Variants in PTPRB observed in about 807,000 individuals in gnomAD.
The protein encoded by PTPRB is protein tyrosine phosphatase receptor type B.
In PTPRB, 97 loss-of-function variants were observed where a neutral mutation model predicts 238.1. That is an observed-to-expected ratio of 0.41 (90% CI 0.35 to 0.48). The LOEUF (loss-of-function observed/expected upper bound fraction) is 0.48, where lower values mean the gene tolerates loss of function less well. Among genes scored for constraint, PTPRB ranks in the 20% least tolerant of loss-of-function variants. The pLI is 0.30. For synonymous variants in PTPRB, 970 were observed against 995.4 expected (o/e 0.97, Z 0.48); for missense variants, 2,292 against 2,681.9 (o/e 0.85, Z 3.21).
chr12:70,546,793 G>A (rs1876033601), intron 21 of PTPRB, among the ~76,000 whole-genome samples: 1 of 149,614 alleles, frequency 6.7e-6, no homozygotes, highest in African/African-American at 2.5e-5. Flanking sequence ...GAGGCTGGAG[G>A]AGAAGCAGTC....
chr12:70,563,656 C>T (rs1222420894), intron 15 of PTPRB, among the ~76,000 whole-genome samples: 3 of 152,166 alleles, frequency 2.0e-5, no homozygotes, highest in Admixed American at 6.5e-5. Context: ...CTTCTGAGCT[C>T]AAATCCATAT....
intron 21 of PTPRB, among the ~76,000 whole-genome samples, chr12:70,547,569 G>T (rs1393464253): frequency 7.5e-6 from 1 of 133,142 alleles, no homozygotes; most frequent in Admixed American, 8.5e-5. Flanking sequence ...CTGTCACCAG[G>T]TTGGAATGCA....
intron 29 of PTPRB, among the ~76,000 whole-genome samples, chr12:70,535,669 C>T (rs188749423): frequency 6.6e-6 from 1 of 152,166 alleles, no homozygotes; most frequent in Non-Finnish European, 1.5e-5. Context: ...CTACAACTCA[C>T]TTCTCCTTTC....
intron 4 of PTPRB, among the ~76,000 whole-genome samples, chr12:70,608,301 G>C (rs1884132522): frequency 6.6e-6 from 1 of 152,202 alleles, no homozygotes; most frequent in Admixed American, 6.5e-5. Flanking sequence ...TCTGAGGGTA[G>C]CTCTGAGGAT....
In PTPRB at chr12:70,539,069, A is replaced by G. The variant is rs1273504766; in HGVS notation, c.5779-55T>C. The stretch of plus-strand genomic sequence containing the variant: ...GAGAATATGAAATAGAATAAAGCAA[A>G]TCATACAGTCCTGGAGATAACATAA... On this transcript the variant is annotated intron_variant, in intron 26 of 33. Transcript: ENST00000334414. 6.8e-6 allele frequency: 9 copies of G among 1,317,740 alleles called. No homozygotes were observed. In the East Asian group the frequency reaches 1.9e-4, roughly 27 times the overall value. The allele number at this position is 1,317,740 out of a possible 1,614,324, so 81.6% of individuals were successfully genotyped here. A position where few individuals can be genotyped will look rare whatever the true frequency, so the allele number is the denominator to read the frequency against.
intron 10 of PTPRB, among the ~76,000 whole-genome samples, chr12:70,580,303 A>G (rs1881237664): frequency 6.6e-6 from 1 of 152,190 alleles, no homozygotes; most frequent in Non-Finnish European, 1.5e-5. Context: ...TGAAAATTAG[A>G]TCAACTCCAC....
At chr12:70,601,113 G>A (rs1003347352) in intron 4 of PTPRB, among the ~76,000 whole-genome samples, 13 of 151,890 alleles carry the variant, frequency 8.6e-5, no homozygotes, top group Admixed American at 3.9e-4. Flanking sequence ...TGATCCACCC[G>A]CCTTGGACTC....
intron 11 of PTPRB, among the ~76,000 whole-genome samples, chr12:70,572,964 C>T (rs11609925): frequency 0.19 from 28,214 of 151,576 alleles, 2,737 homozygotes; most frequent in South Asian, 0.21. Flanking sequence ...ATAAAAACCA[C>T]GTGTAGAAGA....
intron 8 of PTPRB, 46 bp from the exon 9 acceptor site, chr12:70,587,313 A>G (rs370309651): frequency 5.0e-6 from 8 of 1,591,728 alleles, no homozygotes; most frequent in Non-Finnish European, 6.0e-6. Flanking sequence ...ACTGAGGCAT[A>G]TTCATAGGGT....
At chr12:70,611,522 A>T (rs1302158994) in intron 3 of PTPRB, among the ~76,000 whole-genome samples, 1 of 150,206 alleles carries the variant, frequency 6.7e-6, no homozygotes, top group South Asian at 2.1e-4. Flanking sequence ...CTGGCCTTGA[A>T]CTCCTGACCT....
chr12:70,552,824 A>C lies in PTPRB; in HGVS notation c.5340T>G (p.Thr1780=). 1.2e-6 allele frequency: 2 copies of C among 1,613,972 alleles called. No individual in the cohort carries two copies. The highest frequency in any genetic ancestry group is 8.5e-7 in the Non-Finnish European group (1 of 1,179,868). Residue 1780 remains threonine (T), a synonymous_variant, in exon 21 of 34, where the codon ACT becomes ACG. Coordinates refer to ENST00000334414, the MANE Select transcript of PTPRB (RefSeq NM_001109754.4). ...MESLGGKCDP[T]QQKFCDGPLK... is the part of the protein sequence containing the mutation. ...GTGGTCCATCACAGAATTTTTGCTG[A>C]GTGGGATCGCATTTTCCACCTAGGC...
chr12:70,614,201 G>A (rs1371663046), intron 3 of PTPRB, among the ~76,000 whole-genome samples: 2 of 152,140 alleles, frequency 1.3e-5, no homozygotes, highest in Non-Finnish European at 2.9e-5. Flanking sequence ...GGAGCCCTCT[G>A]TATTTTAATA....
intron 11 of PTPRB, among the ~76,000 whole-genome samples, chr12:70,575,781 G>T (rs1880619989): frequency 6.6e-6 from 1 of 152,150 alleles, no homozygotes; most frequent in Admixed American, 6.5e-5. Context: ...ATTCTTTCCA[G>T]CACATTGGAC....
intron 28 of PTPRB, 70 bp downstream of exon 28, chr12:70,538,085 G>T: frequency 8.2e-7 from 1 of 1,226,256 alleles, no homozygotes; most frequent in South Asian, 1.4e-5. Context: ...GAACATGGAG[G>T]AGTGGCATCT....
At chr12:70,594,381 T>A in intron 6 of PTPRB, 86 bp downstream of exon 6, 4 of 1,511,522 alleles carry the variant, frequency 2.6e-6, no homozygotes, top group Non-Finnish European at 2.7e-6. Context: ...TGTCCTATAT[T>A]ACAGTTATTC....
At position 70,635,709 on chromosome 12, in the gene PTPRB, T is replaced by C; in HGVS notation, c.413A>G (p.Glu138Gly). The C allele has an allele frequency of 2.5e-6, 4 of 1,613,994 alleles. No individual in the cohort carries two copies. Among genetic ancestry groups the C allele is most frequent in the Non-Finnish European group, 3.4e-6 (4 of 1,179,876 alleles). ...HSWMKIDVNK[E>G]GKLVNESLCL... ...GAGGCTTTCATTGACCAGTTTTCCC[T>C]CCTTGTTGACATCTATTTTCATCCA... The change falls in exon 2 of 34, where the codon GAG (glutamate) becomes GGG (glycine). Residue 138 changes from glutamate to glycine, a missense_variant. Glu to Gly is a moderately conservative substitution (Grantham distance 98, BLOSUM62 -2). This residue lies in a region of PTPRB where 1,205 missense variants were observed against 1,287.8 expected (regional missense o/e 0.94). Coordinates refer to ENST00000334414, the MANE Select transcript of PTPRB (RefSeq NM_001109754.4).
intron 10 of PTPRB, 28 bp from the exon 11 acceptor site, chr12:70,576,673 GGGGGGGGGGA>G (rs1267746030): frequency 2.9e-5 from 8 of 273,490 alleles, no homozygotes; most frequent in African/African-American, 1.3e-4. Context: ...GGGGGGCGGG[GGGGGGGGGGA>G]AGGGGGATTC....
intron 4 of PTPRB, among the ~76,000 whole-genome samples, chr12:70,606,830 A>T (rs1883989892): frequency 6.6e-6 from 1 of 152,236 alleles, no homozygotes; most frequent in African/African-American, 2.4e-5. Flanking sequence ...AACAATTTTT[A>T]AAATATCTTA....
chr12:70,590,222 C>G lies in PTPRB; in HGVS notation c.1792G>C (p.Val598Leu), dbSNP rs1882346334. The G allele has an allele frequency of 5.1e-6, 8 of 1,565,982 alleles. No individual in the cohort carries two copies. Among genetic ancestry groups the G allele is most frequent in the Non-Finnish European group, 6.9e-6 (8 of 1,155,212 alleles). ...TTATTGTTTGCCTCCAGGTTTGCAA[C>G]TTTGTCTGGAACTAAACGGTGAAAT... is the stretch of plus-strand genomic sequence containing the variant. ...MAVGRTFPDKVANLEANNNGR... is the reference protein window; with the variant it reads ...MAVGRTFPDKLANLEANNNGR... The change falls in exon 8 of 34, where the codon GTT becomes CTT. Residue 598 changes from valine (V) to leucine (L), a missense_variant. Around this residue, in one of 4 missense-constraint regions of PTPRB, gnomAD observed 1,205 missense variants for 1,287.8 expected, o/e 0.94. Coordinates refer to ENST00000334414, the MANE Select transcript of PTPRB (RefSeq NM_001109754.4).
Sources: gnomAD v4.1 joint callset for allele counts (sites outside exome capture counted in the v4.1 genomes callset) on GRCh38, gnomAD v4.1.1 for gene constraint, gnomAD v4.1.1 regional missense constraint, MANE v1.5 for transcripts, NCBI Gene and HGNC (gene_info 2026-07-23, HGNC 2026-07-21) for gene names.